PAQR5: variants seen among roughly 807,000 people sequenced by gnomAD.
PAQR5 encodes membrane progestin receptor gamma.
In PAQR5, 20 loss-of-function variants were observed where a neutral mutation model predicts 34.5. The observed-to-expected ratio is 0.58, with a 90% CI of 0.41 to 0.84. The LOEUF (loss-of-function observed/expected upper bound fraction) is 0.84, where lower values mean the gene tolerates loss of function less well. Ranked by LOEUF, PAQR5 falls within the 40% of genes least tolerant of loss-of-function variation. PAQR5 has a pLI of 0.00. For synonymous variants in PAQR5, 131 were observed against 155.6 expected (o/e 0.84, Z 1.18); for missense variants, 378 against 412.7 (o/e 0.92, Z 0.73).
At chr15:69,384,959 CAGA>C in intron 5 of PAQR5, 77 bp downstream of exon 5, 1 of 1,098,500 alleles carries the variant, frequency 9.1e-7, no homozygotes. Flanking sequence ...CTAGGGTCAC[CAGA>C]AGGCTTTGAT....
intron 3 of PAQR5, among the ~76,000 whole-genome samples, chr15:69,363,693 C>T (rs1288477671): frequency 6.6e-6 from 1 of 151,840 alleles, no homozygotes; most frequent in Non-Finnish European, 1.5e-5. Context: ...GCTGGGACTA[C>T]AGGTGCACGC....
intron 1 of PAQR5, among the ~76,000 whole-genome samples, chr15:69,325,452 C>T (rs762782604): frequency 3.2e-5 from 3 of 93,520 alleles, no homozygotes; most frequent in Non-Finnish European, 7.0e-5. Flanking sequence ...AGATGTGCCG[C>T]GTGGCAATTG....
Position 69,334,231 on chromosome 15 carries a change from T to C in PAQR5, c.-276-3110T>C, listed in dbSNP as rs535441777. On this transcript the variant is annotated intron_variant, in intron 1 of 8. Coordinates refer to ENST00000395407, the MANE Select transcript of PAQR5 (RefSeq NM_017705.4). ...TTTTAGTAGAGATGGGGTTTCACCATGTTAGCCAGGATGGTCTCGAGCTCT... is the reference window on the plus strand; with the variant it reads ...TTTTAGTAGAGATGGGGTTTCACCACGTTAGCCAGGATGGTCTCGAGCTCT... Among the ~76,000 whole-genome samples, 86 of 152,266 alleles carry C rather than the reference T, an allele frequency of 5.6e-4. 1 individual carries two copies. Among genetic ancestry groups the C allele is most frequent in the Non-Finnish European group, 6.5e-4 (44 of 68,018 alleles).
intron 7 of PAQR5, 50 bp downstream of exon 7, chr15:69,397,614 C>T (rs761229003): frequency 2.4e-6 from 3 of 1,234,836 alleles, no homozygotes; most frequent in Non-Finnish European, 2.4e-6. Context: ...ACCAGGAAGT[C>T]AGTTGTTTTC....
At chr15:69,341,294 T>C (rs182638181) in intron 2 of PAQR5, among the ~76,000 whole-genome samples, 16 of 151,872 alleles carry the variant, frequency 1.1e-4, no homozygotes, top group African/African-American at 3.9e-4. Flanking sequence ...GTGTCTGGCT[T>C]ATTTGACTTA....
At chr15:69,396,494 G>A (rs546513517) in intron 6 of PAQR5, among the ~76,000 whole-genome samples, 1 of 152,138 alleles carries the variant, frequency 6.6e-6, no homozygotes, top group Non-Finnish European at 1.5e-5. Context: ...CCACTGTGCT[G>A]GGTTCCTTAC....
chr15:69,322,349 G>A (rs1332825796), intron 1 of PAQR5, among the ~76,000 whole-genome samples: 3 of 149,062 alleles, frequency 2.0e-5, no homozygotes, highest in South Asian at 2.1e-4. Context: ...TCAGCTGGGC[G>A]CGGTAGCGGG....
intron 1 of PAQR5, among the ~76,000 whole-genome samples, chr15:69,315,155 C>T (rs1013471209): frequency 6.6e-6 from 1 of 152,004 alleles, no homozygotes; most frequent in Non-Finnish European, 1.5e-5. Context: ...GGAGTCCTTG[C>T]CCAGAGCTCC....
At chr15:69,373,691 C>A (rs1414272802) in intron 3 of PAQR5, among the ~76,000 whole-genome samples, 1 of 152,120 alleles carries the variant, frequency 6.6e-6, no homozygotes, top group Non-Finnish European at 1.5e-5. Context: ...GCAACCTCTG[C>A]CTCCCAGGTT....
chr15:69,369,528 C>T (rs1462981998), intron 3 of PAQR5, among the ~76,000 whole-genome samples: 1 of 150,314 alleles, frequency 6.7e-6, no homozygotes. Flanking sequence ...AGAGCAAGAT[C>T]CTGCCTCAAG....
intron 5 of PAQR5, 37 bp from the exon 6 acceptor site, chr15:69,389,617 C>T (rs1175387338): frequency 2.5e-6 from 4 of 1,613,164 alleles, no homozygotes; most frequent in Admixed American, 3.3e-5. Context: ...GGTGCCAAGG[C>T]CTGGCTCCTC....
intron 2 of PAQR5, among the ~76,000 whole-genome samples, chr15:69,343,738 T>C (rs1472962352): frequency 6.6e-6 from 1 of 152,142 alleles, no homozygotes; most frequent in African/African-American, 2.4e-5. Context: ...GTGTTAGTAG[T>C]AGGCAAAAAT....
In PAQR5 at chr15:69,387,234, G is replaced by A. The variant is rs192888775; in HGVS notation, c.385+2352G>A. On this transcript the variant is annotated intron_variant, in intron 5 of 8. Coordinates refer to ENST00000395407, the MANE Select transcript of PAQR5 (RefSeq NM_017705.4). The stretch of plus-strand genomic sequence containing the variant: ...CGACTTCCTTGGCCCTCGGTTGCCC[G>A]CCCCGGACTTGTTTTGATAAGTGTG... Among the ~76,000 whole-genome samples, 14 of 152,288 alleles carry A rather than the reference G, an allele frequency of 9.2e-5. No homozygotes were observed. The East Asian group carries it at 1.5e-3, about 17-fold the overall frequency.
At chr15:69,389,888 T>G in intron 6 of PAQR5, 108 bp downstream of exon 6, 1 of 1,340,278 alleles carries the variant, frequency 7.5e-7, no homozygotes, top group Non-Finnish European at 1.0e-6. Context: ...GAAAAGGTGC[T>G]TGGGAACCTA....
chr15:69,395,322 G>A, intron 6 of PAQR5, among the ~76,000 whole-genome samples: 1 of 152,234 alleles, frequency 6.6e-6, no homozygotes, highest in East Asian at 1.9e-4. Flanking sequence ...CAGAGGGGGT[G>A]ACACTTGGGG....
intron 3 of PAQR5, among the ~76,000 whole-genome samples, chr15:69,369,639 A>T (rs547869221): frequency 1.3e-5 from 2 of 152,052 alleles, no homozygotes; most frequent in Non-Finnish European, 2.9e-5. Context: ...TCTATTTGTA[A>T]TCACTTTAAT....
At chr15:69,363,534 C>CT (rs1567021721) in intron 3 of PAQR5, among the ~76,000 whole-genome samples, 5 of 105,268 alleles carry the variant, frequency 4.7e-5, no homozygotes, top group African/African-American at 1.7e-4. Flanking sequence ...AATTGCTAAT[C>CT]TGTTTTTTGT....
intron 6 of PAQR5, chr15:69,391,124 A>G (rs1474959535): frequency 6.5e-6 from 1 of 152,740 alleles, no homozygotes; most frequent in Non-Finnish European, 1.5e-5. Flanking sequence ...CCAGCGAGCC[A>G]GTGGAGTCTC....
chr15:69,377,801 T>C (rs939346022), intron 3 of PAQR5, among the ~76,000 whole-genome samples: 1 of 152,154 alleles, frequency 6.6e-6, no homozygotes, highest in African/African-American at 2.4e-5. Context: ...CCTTCTGCAC[T>C]GTTCCATGTG....
Sources: allele counts gnomAD v4.1 joint callset (sites outside exome capture counted in the v4.1 genomes callset), GRCh38; gene constraint gnomAD v4.1.1; transcripts MANE v1.5; gene names NCBI Gene and HGNC (gene_info 2026-07-23, HGNC 2026-07-21).